USP16: variants seen among roughly 807,000 people sequenced by gnomAD.
USP16 encodes ubiquitin specific peptidase 16.
Under a neutral mutation model 95.9 loss-of-function variants are expected in USP16, and 77 were observed. The observed-to-expected ratio is 0.80, with a 90% CI of 0.67 to 0.97. The LOEUF is 0.97. Ranked by LOEUF, USP16 falls within the 50% of genes least tolerant of loss-of-function variation. USP16 has a pLI of 0.00. For missense variants in USP16, 943 were observed against 959.9 expected (o/e 0.98, Z 0.23); for synonymous variants, 303 against 318.2 (o/e 0.95, Z 0.51).
At chr21:29,036,429 A>T (rs987777374) in intron 5 of USP16, 55 bp downstream of exon 5, 35 of 1,505,016 alleles carry the variant, frequency 2.3e-5, no homozygotes, top group South Asian at 1.9e-4. Context: ...GTATCTGCTG[A>T]TACTTAGATT....
chr21:29,038,637 G>A (rs998228944), intron 7 of USP16, among the ~76,000 whole-genome samples: 11 of 152,152 alleles, frequency 7.2e-5, no homozygotes, highest in Non-Finnish European at 1.2e-4. Context: ...TTCTATGCTC[G>A]AGTGTTAAGC....
At position 29,043,424 on chromosome 21, in the gene USP16, G is replaced by T; in HGVS notation, c.1181G>T (p.Ser394Ile). 1 of 1,499,948 alleles carries T rather than the reference G, an allele frequency of 6.7e-7. No homozygotes were observed. The highest frequency in any genetic ancestry group is 8.8e-7 in the Non-Finnish European group (1 of 1,130,022). 92.9% of individuals were successfully genotyped at this position (1,499,948 alleles called of 1,614,324 possible). Reference protein sequence around the residue: ...DLSLPVLDDQSGKKSVNDKNL... With the variant: ...DLSLPVLDDQIGKKSVNDKNL... ...GACCTATGTTATCTATATTTTAAGA[G>T]TGGTAAGAAAAGTGTAAATGATAAA... The change falls in exon 13 of 18, where the codon AGT becomes ATT. Residue 394 changes from serine to isoleucine, a missense_variant and splice_region_variant. Coordinates refer to ENST00000399976, the MANE Select transcript of USP16 (RefSeq NM_006447.3).
chr21:29,052,314 T>C (rs2085428009), intron 16 of USP16: 1 of 152,342 alleles, frequency 6.6e-6, no homozygotes, highest in Admixed American at 6.5e-5. Context: ...TGGGCAAGAC[T>C]GGGCAATTTA....
intron 6 of USP16, 103 bp downstream of exon 6, chr21:29,037,566 T>A: frequency 1.2e-6 from 1 of 854,020 alleles, no homozygotes; most frequent in Non-Finnish European, 1.7e-6. Flanking sequence ...TATTTCTATG[T>A]ATCCAAAGAA....
chr21:29,047,438 C>G, intron 14 of USP16, 117 bp downstream of exon 14: 1 of 1,158,236 alleles, frequency 8.6e-7, no homozygotes, highest in Non-Finnish European at 1.2e-6. Flanking sequence ...GTGTCCTTTT[C>G]TGTGTAAATA....
At chr21:29,042,131 T>A (rs200770677) in intron 11 of USP16, 27 bp downstream of exon 11, 1 of 1,564,952 alleles carries the variant, frequency 6.4e-7, no homozygotes, top group African/African-American at 1.4e-5. Context: ...TATACTGGGT[T>A]TATTTGCTAA....
At chr21:29,042,171 A>C in intron 11 of USP16, 67 bp downstream of exon 11, 1 of 1,390,554 alleles carries the variant, frequency 7.2e-7, no homozygotes, top group Non-Finnish European at 1.0e-6. Context: ...TGTTTATTTC[A>C]AAAGCAGAAA....
At chr21:29,036,523 A>C in intron 5 of USP16, 149 bp downstream of exon 5, 1 of 746,710 alleles carries the variant, frequency 1.3e-6, no homozygotes, top group South Asian at 1.8e-5. Flanking sequence ...TGGTTTAACT[A>C]TAAGGTATTA....
intron 6 of USP16, among the ~76,000 whole-genome samples, chr21:29,037,821 AG>A (rs2085184227): frequency 6.6e-6 from 1 of 152,140 alleles, no homozygotes; most frequent in African/African-American, 2.4e-5. Flanking sequence ...CCTGGGCTTA[AG>A]CCGTCCACCC....
rs2085065164 is a variant in USP16, at chr21:29,030,701, AG to A, written c.169del (p.Val57Ter). 1 of 1,613,908 alleles carries A rather than the reference AG, an allele frequency of 6.2e-7. No individual in the cohort carries two copies. The highest frequency in any genetic ancestry group is 1.3e-5 in the African/African-American group (1 of 74,938). On this transcript the variant is annotated frameshift_variant, in exon 3 of 18. Coordinates refer to ENST00000399976, the MANE Select transcript of USP16 (RefSeq NM_006447.3). LOFTEE classifies it high-confidence loss of function. ...ICQDCKTDNK[V>X]KDKAEEETEE... ...GCCAAGACTGTAAGACTGACAATAA[AG>A]TGAAAGATAAAGCTGAAGAAGAAAC...
At chr21:29,033,029 A>G (rs2085100228) in intron 3 of USP16, among the ~76,000 whole-genome samples, 1 of 152,248 alleles carries the variant, frequency 6.6e-6, no homozygotes, top group Non-Finnish European at 1.5e-5. Flanking sequence ...TGTATGTTAG[A>G]AAAGATACTG....
chr21:29,035,530 C>T (rs1019368741), intron 4 of USP16, among the ~76,000 whole-genome samples: 9 of 151,626 alleles, frequency 5.9e-5, no homozygotes, highest in Admixed American at 2.0e-4. Flanking sequence ...TGCACCACCA[C>T]GCCCGGCTAA....
At chr21:29,051,375 A>T (rs868817786) in intron 16 of USP16, among the ~76,000 whole-genome samples, 3 of 152,314 alleles carry the variant, frequency 2.0e-5, no homozygotes, top group Non-Finnish European at 2.9e-5. Flanking sequence ...AAATCAGTAC[A>T]TATGTGGCAG....
chr21:29,035,336 C>T (rs762729740), intron 4 of USP16, among the ~76,000 whole-genome samples: 2 of 151,156 alleles, frequency 1.3e-5, no homozygotes, highest in African/African-American at 2.4e-5. Flanking sequence ...CAGATTTTTA[C>T]GTCTTAAAAA....
intron 13 of USP16, among the ~76,000 whole-genome samples, chr21:29,045,517 A>T (rs1309169932): frequency 1.3e-5 from 2 of 150,824 alleles, no homozygotes; most frequent in African/African-American, 4.9e-5. Context: ...CATTCCTCTG[A>T]CCAAAGCAGT....
chr21:29,030,715 C>G lies in USP16; in HGVS notation c.182C>G (p.Ala61Gly). The change falls in exon 3 of 18, where the codon GCT becomes GGT. Residue 61 changes from alanine to glycine, a missense_variant. Coordinates refer to ENST00000399976, the MANE Select transcript of USP16 (RefSeq NM_006447.3). Reference sequence around the variant, plus strand: ...ACTGACAATAAAGTGAAAGATAAAGCTGAAGAAGAAACAGAAGAAAAGCCT... The same window carrying G: ...ACTGACAATAAAGTGAAAGATAAAGGTGAAGAAGAAACAGAAGAAAAGCCT... Reference protein sequence around the residue: ...CKTDNKVKDKAEEETEEKPSV... With the variant: ...CKTDNKVKDKGEEETEEKPSV... 6.2e-7 allele frequency: 1 copy of G among 1,613,662 alleles called. No homozygotes were observed. Among genetic ancestry groups the G allele is most frequent in the African/African-American group, 1.3e-5 (1 of 75,026 alleles).
At chr21:29,042,411 A>C in intron 11 of USP16, 61 bp from the exon 12 acceptor site, 1 of 1,518,438 alleles carries the variant, frequency 6.6e-7, no homozygotes, top group Non-Finnish European at 9.0e-7. Context: ...GGCAGGGAGG[A>C]TCTTACTATG....
chr21:29,040,027 T>C (rs1282679355), intron 9 of USP16, among the ~76,000 whole-genome samples: 2 of 152,218 alleles, frequency 1.3e-5, no homozygotes, highest in Non-Finnish European at 2.9e-5. Context: ...AAAAATGTAT[T>C]TGGGGTATGA....
At chr21:29,046,570 ATG>A (rs2085325838) in intron 13 of USP16, 95 bp from the exon 14 acceptor site, 1 of 1,240,748 alleles carries the variant, frequency 8.1e-7, no homozygotes, top group Non-Finnish European at 1.1e-6. Flanking sequence ...GATATAGTAC[ATG>A]TGTGTGTTTT....
Sources: allele counts gnomAD v4.1 joint callset (sites outside exome capture counted in the v4.1 genomes callset), GRCh38; gene constraint gnomAD v4.1.1; transcripts MANE v1.5; gene names NCBI Gene and HGNC (gene_info 2026-07-23, HGNC 2026-07-21).